Variants in DMD observed in about 807,000 individuals in gnomAD.
DMD encodes mutant dystrophin.
A neutral mutation model predicts 330.1 loss-of-function variants in DMD; 63 were observed. That is an observed-to-expected ratio of 0.19 (90% CI 0.16 to 0.24). The LOEUF is 0.24. DMD is among the 10% of genes least tolerant of loss of function. DMD has a pLI of 1.00. For missense variants in DMD, 3,344 were observed against 2,684.1 expected (o/e 1.25, Z -5.43); for synonymous variants, 1,223 against 959.8 (o/e 1.27, Z -5.07).
intron 74 of DMD, among the ~76,000 whole-genome samples, chrX:31,162,397 A>AACAAAAAC (rs1556015768): frequency 1.0e-5 from 1 of 98,055 alleles, no homozygotes; most frequent in African/African-American, 3.8e-5. Flanking sequence ...GGATTGTAAG[A>AACAAAAAC]ACATAAACTC....
intron 44 of DMD, among the ~76,000 whole-genome samples, chrX:32,168,083 C>G (rs907939421): frequency 2.7e-5 from 3 of 112,166 alleles, no homozygotes; most frequent in African/African-American, 9.7e-5. Flanking sequence ...GGGCCTGCCC[C>G]ATCTCTGAAG....
chrX:33,209,477 A>G (rs921145377), intron 1 of DMD, among the ~76,000 whole-genome samples: 1 of 111,815 alleles, frequency 8.9e-6, no homozygotes, highest in Non-Finnish European at 1.9e-5. Context: ...TGAACAATAC[A>G]ATATGTTTGA....
At position 32,364,683 on chromosome X, in the gene DMD, C is replaced by A; in HGVS notation, c.5053G>T (p.Asp1685Tyr). ...TTTGTGATGTGGTCCACATTCTGGT[C>A]AAAAGTTTCCATGTGTTTCTGGTAT... is the stretch of plus-strand genomic sequence containing the variant. Reference protein sequence around the residue: ...LEYQKHMETFDQNVDHITKWI... With the variant: ...LEYQKHMETFYQNVDHITKWI... Residue 1685 changes from aspartate (D) to tyrosine (Y), a missense_variant, in exon 36 of 79, where the codon GAC becomes TAC. Asp to Tyr is a radical substitution (Grantham distance 160). Transcript: ENST00000357033. 1 of 1,209,248 alleles carries A rather than the reference C, an allele frequency of 8.3e-7. No homozygotes were observed. The highest frequency in any genetic ancestry group is 1.1e-6 in the Non-Finnish European group (1 of 893,677).
chrX:32,869,391 A>C (rs1224256594), intron 2 of DMD, among the ~76,000 whole-genome samples: 1 of 111,002 alleles, frequency 9.0e-6, no homozygotes, highest in Non-Finnish European at 1.9e-5. Flanking sequence ...AGAAGTGGAC[A>C]GAGGCTGAGA....
intron 44 of DMD, among the ~76,000 whole-genome samples, chrX:31,985,948 A>G (rs1490765389): frequency 8.9e-6 from 1 of 112,054 alleles, no homozygotes; most frequent in Non-Finnish European, 1.9e-5. Flanking sequence ...AGAATTAACT[A>G]CTTATCCAGA....
chrX:32,053,610 C>A lies in DMD; in HGVS notation c.6439-85096G>T, dbSNP rs189091269. 7.2e-5 allele frequency among the ~76,000 whole-genome samples: 8 copies of A among 111,030 alleles called. No homozygotes were observed. The East Asian group carries it at 2.3e-3, about 32-fold the overall frequency. On this transcript the variant is annotated intron_variant, in intron 44 of 78. Coordinates refer to ENST00000357033, the MANE Select transcript of DMD (RefSeq NM_004006.3). ...ACTCTCAAGCCACACATACCACTCT[C>A]CAGTCCTAAATATGCCCTTGACTTT...
intron 44 of DMD, among the ~76,000 whole-genome samples, chrX:32,013,606 C>T (rs750464812): frequency 1.3e-4 from 15 of 111,967 alleles, no homozygotes; most frequent in African/African-American, 3.2e-4. Context: ...ATTTATTAAA[C>T]GAATGATTGC....
intron 2 of DMD, among the ~76,000 whole-genome samples, chrX:32,909,798 A>G (rs1005090403): frequency 2.7e-5 from 3 of 112,367 alleles, no homozygotes; most frequent in African/African-American, 9.7e-5. Flanking sequence ...AAACGAAATT[A>G]ATGTAAAATA....
intron 45 of DMD, among the ~76,000 whole-genome samples, chrX:31,934,889 G>A (rs919099662): frequency 1.8e-4 from 20 of 111,916 alleles, no homozygotes; most frequent in African/African-American, 5.8e-4. Flanking sequence ...TTCTTTCTTC[G>A]TTTTATGAAT....
chrX:32,018,038 C>T (rs956102175), intron 44 of DMD, among the ~76,000 whole-genome samples: 4 of 110,945 alleles, frequency 3.6e-5, no homozygotes, highest in African/African-American at 9.8e-5. Context: ...AATGCGCCCA[C>T]GAACATGACA....
intron 1 of DMD, among the ~76,000 whole-genome samples, chrX:33,071,217 C>T (rs1000823105): frequency 5.5e-5 from 6 of 109,999 alleles, no homozygotes; most frequent in Non-Finnish European, 1.1e-4. Flanking sequence ...TTTGGGAGGC[C>T]GAGGTGGCAG....
At position 31,294,756 on chromosome X, in the gene DMD, A is replaced by T. The variant is rs191119257; in HGVS notation, c.9224+28842T>A. Reference sequence around the variant, plus strand: ...GGGAGAAGGAGATCCATTCCCTTAAATGATAATGGCAGAAATGACCACTAA... The same window carrying T: ...GGGAGAAGGAGATCCATTCCCTTAATTGATAATGGCAGAAATGACCACTAA... On this transcript the variant is annotated intron_variant, in intron 62 of 78. Coordinates refer to ENST00000357033, the MANE Select transcript of DMD (RefSeq NM_004006.3). Among the ~76,000 whole-genome samples the T allele has an allele frequency of 1.7e-3, 193 of 111,902 alleles. 2 individuals are homozygous for T. Among genetic ancestry groups the T allele is most frequent in the Non-Finnish European group, 7.9e-4 (42 of 53,206 alleles).
At chrX:31,888,859 C>A (rs992823615) in intron 47 of DMD, among the ~76,000 whole-genome samples, 4 of 112,034 alleles carry the variant, frequency 3.6e-5, no homozygotes, top group African/African-American at 1.3e-4. Context: ...GACATTCAGC[C>A]CCCAGTGGCA....
At chrX:32,506,968 G>C (rs2044693172) in intron 18 of DMD, among the ~76,000 whole-genome samples, 1 of 111,599 alleles carries the variant, frequency 9.0e-6, no homozygotes, top group Non-Finnish European at 1.9e-5. Flanking sequence ...CAACTTATTA[G>C]TTTTTGTGAT....
At chrX:33,015,373 G>A (rs766016640) in intron 2 of DMD, among the ~76,000 whole-genome samples, 4 of 111,080 alleles carry the variant, frequency 3.6e-5, no homozygotes, top group Non-Finnish European at 7.5e-5. Flanking sequence ...GGACATGGAT[G>A]GAGTTGGAGG....
At chrX:31,752,367 G>A (rs1287035602) in intron 51 of DMD, among the ~76,000 whole-genome samples, 3 of 110,797 alleles carry the variant, frequency 2.7e-5, no homozygotes, top group Admixed American at 9.6e-5. Flanking sequence ...ATGTGTCATC[G>A]ACAAGAGTTA....
intron 43 of DMD, among the ~76,000 whole-genome samples, chrX:32,252,775 T>TATATATAA (rs1418206185): frequency 1.1e-4 from 4 of 38,058 alleles, no homozygotes; most frequent in Admixed American, 4.9e-4. Flanking sequence ...TATATATAAA[T>TATATATAA]ATATATAAAT....
chrX:32,966,924 A>G (rs1193253277), intron 2 of DMD, among the ~76,000 whole-genome samples: 1 of 112,131 alleles, frequency 8.9e-6, no homozygotes, highest in Non-Finnish European at 1.9e-5. Flanking sequence ...GCACATGGAG[A>G]TGCTAACAAG....
intron 2 of DMD, among the ~76,000 whole-genome samples, chrX:32,957,332 AT>A (rs758886448): frequency 2.1e-4 from 24 of 111,946 alleles, no homozygotes; most frequent in Non-Finnish European, 4.0e-4. Context: ...TTAAGCAACT[AT>A]TTCAGTGCCT....
Sources: allele counts gnomAD v4.1 joint callset (sites outside exome capture counted in the v4.1 genomes callset), GRCh38; gene constraint gnomAD v4.1.1; transcripts MANE v1.5; gene names NCBI Gene and HGNC (gene_info 2026-07-23, HGNC 2026-07-21).